Variants in GOLM1 observed in about 807,000 individuals in gnomAD.
GOLM1 encodes the protein golgi membrane protein 1, also known as epididymis luminal protein 46.
Under a neutral mutation model 50.5 loss-of-function variants are expected in GOLM1, and 31 were observed. The ratio of observed to expected loss-of-function variants is 0.61; its 90% CI spans 0.46 to 0.83. The LOEUF (loss-of-function observed/expected upper bound fraction) is 0.83. GOLM1 is among the 40% of genes least tolerant of loss of function. GOLM1 has a pLI of 0.00. For synonymous variants in GOLM1, 178 were observed against 192.8 expected (o/e 0.92, Z 0.64); for missense variants, 491 against 501.3 (o/e 0.98, Z 0.20).
At chr9:86,055,948 A>C (rs995934193) in intron 3 of GOLM1, among the ~76,000 whole-genome samples, 1 of 151,494 alleles carries the variant, frequency 6.6e-6, no homozygotes, top group African/African-American at 2.4e-5. Context: ...TTTCCTCTGG[A>C]AATCAGAGTG....
chr9:86,083,905 G>T (rs1928228), intron 1 of GOLM1, among the ~76,000 whole-genome samples: 36,630 of 152,054 alleles, frequency 0.24, 7,480 homozygotes, highest in African/African-American at 0.53. Flanking sequence ...TGAAGCTACT[G>T]ATAGTCTTTA....
intron 3 of GOLM1, among the ~76,000 whole-genome samples, chr9:86,055,404 G>T (rs1429576177): frequency 6.6e-6 from 1 of 152,106 alleles, no homozygotes; most frequent in East Asian, 1.9e-4. Flanking sequence ...AAAGCGAAAA[G>T]ATTACCATAT....
chr9:86,039,294 G>GT (rs1189611526), intron 6 of GOLM1, among the ~76,000 whole-genome samples: 1 of 152,152 alleles, frequency 6.6e-6, no homozygotes, highest in Non-Finnish European at 1.5e-5. Flanking sequence ...CATGAAAAAG[G>GT]TAGTATCAAG....
At position 86,035,871 on chromosome 9, in the gene GOLM1, AAAAAAACAAAAC is replaced by A. The variant is rs1197729659; in HGVS notation, c.758-258_758-247del. Among the ~76,000 whole-genome samples, 1,039 of 130,910 alleles carry A rather than the reference AAAAAAACAAAAC, an allele frequency of 7.9e-3. 86 individuals are homozygous for A. Among genetic ancestry groups the A allele is most frequent in the African/African-American group, 0.027 (936 of 34,362 alleles). The allele number at this position is 130,910 out of a possible 152,430, so 85.9% of individuals were successfully genotyped here. A position where few individuals can be genotyped will look rare whatever the true frequency, so the allele number is the denominator to read the frequency against. ...CAAAGGGAAAAGTAGCTTACCAAAAAAAAAAACAAAACAAAAAAAAAAAAACACCTGGACTAA... is the reference window on the plus strand; with the variant it reads ...CAAAGGGAAAAGTAGCTTACCAAAAAAAAAAAAAAAAAACACCTGGACTAA... On this transcript the variant is annotated intron_variant, in intron 7 of 9. Transcript: ENST00000388712.
In GOLM1 at chr9:86,035,495, C is replaced by T. The variant is rs1242767957; in HGVS notation, c.888G>A (p.Leu296=). ...CAGCCTGCACCTGTGGGGTCTGGCCCAGTTCTCCGGCTCCCCCGAAGCCTC... is the reference window on the plus strand; with the variant it reads ...CAGCCTGCACCTGTGGGGTCTGGCCTAGTTCTCCGGCTCCCCCGAAGCCTC... ...GGRGFGGAGE[L]GQTPQVQAAL... is the part of the protein sequence containing the mutation. The change falls in exon 8 of 10, where the codon CTG becomes CTA. Residue 296 remains leucine (L), a synonymous_variant. Coordinates refer to ENST00000388712, the MANE Select transcript of GOLM1 (RefSeq NM_016548.4). 6.2e-7 allele frequency: 1 copy of T among 1,613,288 alleles called. No homozygotes were observed. The highest frequency in any genetic ancestry group is 1.7e-5 in the Admixed American group (1 of 59,994).
chr9:86,092,356 A>G (rs1357403467), intron 1 of GOLM1, among the ~76,000 whole-genome samples: 1 of 152,206 alleles, frequency 6.6e-6, no homozygotes, highest in East Asian at 1.9e-4. Context: ...TATAGCAACC[A>G]GTCCTCCTCT....
chr9:86,053,642 A>T (rs1482049649), intron 3 of GOLM1, among the ~76,000 whole-genome samples: 17 of 1,834 alleles, frequency 9.3e-3, no homozygotes, highest in Non-Finnish European at 0.014. Context: ...CAAAACACAC[A>T]CCACACCATG....
rs572450478 is a variant in GOLM1, at chr9:86,064,964, A to C, written c.310-12373T>G. Among the ~76,000 whole-genome samples the C allele has an allele frequency of 3.9e-5, 6 of 152,276 alleles. No homozygotes were observed. The South Asian group carries it at 1.0e-3, about 26-fold the overall frequency. On this transcript the variant is annotated intron_variant, in intron 3 of 9. Transcript: ENST00000388712. ...GCCTCCAATCAGATGCACTTACTGG[A>C]GGCTAGAATGTGGAACAGAGTGAGG...
In GOLM1 at chr9:86,088,893, C is replaced by T. The variant is rs149492675; in HGVS notation, c.-21-9552G>A. 6.3e-3 allele frequency among the ~76,000 whole-genome samples: 963 copies of T among 152,242 alleles called. 9 individuals are homozygous for T. The highest frequency in any genetic ancestry group is 0.022 in the African/African-American group (922 of 41,534). On this transcript the variant is annotated intron_variant, in intron 1 of 9. Transcript: ENST00000388712. ...ACAATTTGGTACGCTTTTGCAGTGG[C>T]TGGTACTGGTTTTTCCTTTCCATAT...
At chr9:86,051,045 G>A (rs945182998) in intron 4 of GOLM1, among the ~76,000 whole-genome samples, 1 of 152,162 alleles carries the variant, frequency 6.6e-6, no homozygotes, top group African/African-American at 2.4e-5. Flanking sequence ...ACGTGTCCCA[G>A]AGATTCTGGT....
intron 3 of GOLM1, among the ~76,000 whole-genome samples, chr9:86,064,154 C>T (rs1834241160): frequency 6.6e-6 from 1 of 152,202 alleles, no homozygotes; most frequent in Non-Finnish European, 1.5e-5. Flanking sequence ...ACCTGAATGG[C>T]ATGTTTGCTG....
chr9:86,033,448 C>T (rs956782768), intron 8 of GOLM1, 53 bp from the exon 9 acceptor site: 50 of 1,084,676 alleles, frequency 4.6e-5, no homozygotes, highest in Admixed American at 1.3e-4. Context: ...CTTGATGTCA[C>T]AGGACTATCA....
chr9:86,089,514 G>A (rs12377178), intron 1 of GOLM1, among the ~76,000 whole-genome samples: 17,824 of 151,240 alleles, frequency 0.12, 1,557 homozygotes, highest in East Asian at 0.52. Flanking sequence ...GTTGATCTTC[G>A]ACCTCTGATA....
chr9:86,034,491 G>A (rs1039522675), intron 8 of GOLM1, among the ~76,000 whole-genome samples: 3 of 152,064 alleles, frequency 2.0e-5, no homozygotes, highest in Non-Finnish European at 4.4e-5. Context: ...ACACTGGAGC[G>A]CCACAGGCTG....
At chr9:86,095,014 C>T (rs1054250153) in intron 1 of GOLM1, among the ~76,000 whole-genome samples, 8 of 149,328 alleles carry the variant, frequency 5.4e-5, no homozygotes, top group African/African-American at 1.5e-4. Flanking sequence ...ACCTGGGAAG[C>T]GGAGTTTTCG....
At position 86,029,542 on chromosome 9, in the gene GOLM1, C is replaced by T. The variant is rs552142981; in HGVS notation, c.1130-1649G>A. ...ACATCACAAATAAAACCTAAAACCA[C>T]GGTCTTGATTTATAACTATGGCACA... On this transcript the variant is annotated intron_variant, in intron 9 of 9. Coordinates refer to ENST00000388712, the MANE Select transcript of GOLM1 (RefSeq NM_016548.4). Among the ~76,000 whole-genome samples, 11 of 152,260 alleles carry T rather than the reference C, an allele frequency of 7.2e-5. No homozygotes were observed. In the South Asian group the frequency reaches 1.0e-3, roughly 14 times the overall value.
chr9:86,027,356 G>C lies in GOLM1; in HGVS notation c.*461C>G. ...AGTGACTACACAAGAGCATTAGCCAGACTTTTCAGTGAGAACAGGTAACAG... is the reference window on the plus strand; with the variant it reads ...AGTGACTACACAAGAGCATTAGCCACACTTTTCAGTGAGAACAGGTAACAG... On this transcript the variant is annotated 3_prime_UTR_variant, in exon 10 of 10. Coordinates refer to ENST00000388712, the MANE Select transcript of GOLM1 (RefSeq NM_016548.4). 1 of 988,730 alleles carries C rather than the reference G, an allele frequency of 1.0e-6. No homozygotes were observed. Among genetic ancestry groups the C allele is most frequent in the Non-Finnish European group, 1.2e-6 (1 of 832,278 alleles). The allele number at this position is 988,730 out of a possible 1,614,324, so 61.2% of individuals were successfully genotyped here. A position where few individuals can be genotyped will look rare whatever the true frequency, so the allele number is the denominator to read the frequency against.
At chr9:86,061,009 T>C (rs1056647245) in intron 3 of GOLM1, among the ~76,000 whole-genome samples, 1 of 151,100 alleles carries the variant, frequency 6.6e-6, no homozygotes, top group Non-Finnish European at 1.5e-5. Context: ...ATGATCATGG[T>C]ATTGTGGCTA....
chr9:86,084,430 C>T (rs1408201321), intron 1 of GOLM1, among the ~76,000 whole-genome samples: 1 of 152,144 alleles, frequency 6.6e-6, no homozygotes, highest in African/African-American at 2.4e-5. Flanking sequence ...GGCACCTCTA[C>T]AGCCTCCTGC....
Sources: gnomAD v4.1 joint callset for allele counts (sites outside exome capture counted in the v4.1 genomes callset) on GRCh38, gnomAD v4.1.1 for gene constraint, MANE v1.5 for transcripts, NCBI Gene and HGNC (gene_info 2026-07-23, HGNC 2026-07-21) for gene names.